The following ZNF469 variants were observed in gnomAD, a reference collection of about 807,000 sequenced individuals.
ZNF469 encodes the protein zinc finger protein 469.
Under a neutral mutation model 1.0 loss-of-function variants are expected in ZNF469, and 1 was observed. That is an observed-to-expected ratio of 1.00 (90% CI 0.35 to 4.73). The LOEUF (loss-of-function observed/expected upper bound fraction) is 4.73, where lower values mean the gene tolerates loss of function less well. ZNF469 is among the 30% of genes most tolerant of loss of function. ZNF469 has a pLI of 0.16. For synonymous variants in ZNF469, 2,703 were observed against 2,363.4 expected (o/e 1.14, Z -4.17); for missense variants, 6,100 against 5,356.3 (o/e 1.14, Z -4.33).
the ZNF469 span, among the ~76,000 whole-genome samples, chr16:88,223,774 A>G: frequency 6.6e-6 from 1 of 152,154 alleles, no homozygotes; most frequent in African/African-American, 2.4e-5. Flanking sequence ...CTTCCACAGC[A>G]CTCATCTCAA....
the ZNF469 span, among the ~76,000 whole-genome samples, chr16:88,121,440 G>A: frequency 6.6e-6 from 1 of 152,204 alleles, no homozygotes; most frequent in Non-Finnish European, 1.5e-5. Context: ...CTGGCCATCG[G>A]AGGGGCTGGC....
chr16:88,329,770 G>A, the ZNF469 span, among the ~76,000 whole-genome samples: 1 of 152,226 alleles, frequency 6.6e-6, no homozygotes, highest in Non-Finnish European at 1.5e-5. Flanking sequence ...TGAAAACATG[G>A]GGTTGGGGGC....
the ZNF469 span, among the ~76,000 whole-genome samples, chr16:88,290,316 A>G: frequency 6.6e-6 from 1 of 152,344 alleles, no homozygotes; most frequent in Admixed American, 6.5e-5. Context: ...TCACTTCCTC[A>G]TAAGCTGCCT....
At chr16:88,308,601 T>C in the ZNF469 span, among the ~76,000 whole-genome samples, 2 of 152,264 alleles carry the variant, frequency 1.3e-5, no homozygotes, top group Non-Finnish European at 2.9e-5. Context: ...TAGAGCAGGA[T>C]TCCTTCTCTT....
At chr16:88,156,301 C>G in the ZNF469 span, among the ~76,000 whole-genome samples, 1 of 152,072 alleles carries the variant, frequency 6.6e-6, no homozygotes. Context: ...TATAAGAAAC[C>G]ATTGCCTGAC....
At chr16:88,380,852 T>G (rs1165759627), upstream of ZNF469, among the ~76,000 whole-genome samples, 2 of 102,194 alleles carry the variant, frequency 2.0e-5, no homozygotes, top group Non-Finnish European at 4.1e-5. Flanking sequence ...AGACATGCAC[T>G]CACATGCACT....
the ZNF469 span, among the ~76,000 whole-genome samples, chr16:88,140,426 C>A: frequency 7.0e-6 from 1 of 143,756 alleles, no homozygotes; most frequent in African/African-American, 2.6e-5. Context: ...GGGGGTAGCA[C>A]GGAGGAAAGG....
the ZNF469 span, among the ~76,000 whole-genome samples, chr16:88,202,234 G>A: frequency 1.3e-5 from 2 of 152,232 alleles, no homozygotes; most frequent in Admixed American, 1.3e-4. Context: ...CAGTCATGTG[G>A]TGGCTGCACT....
chr16:88,315,206 G>A, the ZNF469 span, among the ~76,000 whole-genome samples: 52,807 of 152,126 alleles, frequency 0.35, 10,803 homozygotes, highest in Middle Eastern at 0.48. Context: ...AAGGTTGTGC[G>A]GCTTGGTTTT....
the ZNF469 span, among the ~76,000 whole-genome samples, chr16:88,224,545 C>G: frequency 3.3e-5 from 5 of 152,178 alleles, no homozygotes; most frequent in Non-Finnish European, 7.3e-5. Flanking sequence ...CAGCGTGGCA[C>G]TTAGTGGTAA....
At chr16:88,306,132 G>A in the ZNF469 span, among the ~76,000 whole-genome samples, 24 of 152,232 alleles carry the variant, frequency 1.6e-4, no homozygotes, top group Non-Finnish European at 3.1e-4. Flanking sequence ...CACAAGGCAG[G>A]GGCTTCCAAT....
At chr16:88,153,891 G>T in the ZNF469 span, among the ~76,000 whole-genome samples, 2 of 152,180 alleles carry the variant, frequency 1.3e-5, no homozygotes, top group African/African-American at 4.8e-5. Context: ...CTCTCCCTAG[G>T]GGGCACCGGC....
At chr16:88,191,357 T>C in the ZNF469 span, 2 of 152,226 alleles carry the variant, frequency 1.3e-5, no homozygotes, top group South Asian at 2.1e-4. Flanking sequence ...CACCCTGCAG[T>C]TGGGTGGGTG....
At chr16:88,388,637 C>T (rs986889837) in intron 1 of ZNF469, among the ~76,000 whole-genome samples, 9 of 152,368 alleles carry the variant, frequency 5.9e-5, no homozygotes, top group East Asian at 1.9e-4. Context: ...CCAGAGGGGG[C>T]GTGGGAGCCA....
At chr16:88,267,429 C>T in the ZNF469 span, among the ~76,000 whole-genome samples, 4 of 152,220 alleles carry the variant, frequency 2.6e-5, no homozygotes, top group Non-Finnish European at 5.9e-5. Context: ...AAGTGCTGTC[C>T]GTTCAGACGT....
the ZNF469 span, among the ~76,000 whole-genome samples, chr16:88,196,334 T>G: frequency 6.6e-6 from 1 of 152,214 alleles, no homozygotes; most frequent in African/African-American, 2.4e-5. Flanking sequence ...TGGCTCTGAA[T>G]GACGTCTATG....
chr16:88,261,382 C>T, the ZNF469 span, among the ~76,000 whole-genome samples: 1 of 152,164 alleles, frequency 6.6e-6, no homozygotes, highest in African/African-American at 2.4e-5. This position sits in a 1 kb window ranked among gnomAD's most constrained non-coding sequence, Gnocchi z 6.0. Flanking sequence ...TGGTCCAAGG[C>T]TAAGGGGTAA....
chr16:88,380,716 TCATA>T (rs1490038675), upstream of ZNF469, among the ~76,000 whole-genome samples: 6 of 100,392 alleles, frequency 6.0e-5, no homozygotes, highest in African/African-American at 1.7e-4. Context: ...AGACATGCAC[TCATA>T]CACACACAGA....
the ZNF469 span, among the ~76,000 whole-genome samples, chr16:88,267,455 G>A: frequency 1.3e-5 from 2 of 152,222 alleles, no homozygotes; most frequent in Non-Finnish European, 2.9e-5. Context: ...GGAGGGGTCC[G>A]GGGGCCAGCT....
Sources: gnomAD v4.1 joint callset for allele counts (sites outside exome capture counted in the v4.1 genomes callset) on GRCh38, gnomAD v4.1.1 for gene constraint, Gnocchi (gnomAD v3.1) non-coding constraint, MANE v1.5 for transcripts, NCBI Gene and HGNC (gene_info 2026-07-23, HGNC 2026-07-21) for gene names.